The following NELL1 variants were observed in gnomAD, a reference collection of about 807,000 sequenced individuals.
NELL1 encodes the protein neural EGFL like 1, also known as protein kinase C-binding protein NELL1.
NELL1 carries 76 observed loss-of-function variants against 107.4 expected under a neutral mutation model. That is an observed-to-expected ratio of 0.71 (90% CI 0.59 to 0.86). The LOEUF is 0.86. NELL1 is among the 40% of genes least tolerant of loss of function. The probability of loss-of-function intolerance (pLI) is 0.00; values close to 1 mark genes in which losing one functional copy is unlikely to be tolerated. For missense variants in NELL1, 1,024 were observed against 1,005.5 expected, an observed-to-expected ratio of 1.02 and a Z score of -0.25; for synonymous variants, 353 against 341.2, an observed-to-expected ratio of 1.03 and a Z score of -0.38.
Position 21,123,361 on chromosome 11 carries a change from G to A in NELL1, c.1426+9647G>A, listed in dbSNP as rs568948122. On this transcript the variant is annotated intron_variant, in intron 13 of 19. Transcript: ENST00000357134. ...TGTGTGTGTGTGTGTGTGTGTGTGT[G>A]TGTGTGCGTTTCCATGTATGTGTAG... Among the ~76,000 whole-genome samples the A allele has an allele frequency of 3.5e-3, 481 of 136,632 alleles. 2 individuals are homozygous for A. Among genetic ancestry groups the A allele is most frequent in the African/African-American group, 0.011 (444 of 38,614 alleles). 89.6% of individuals were successfully genotyped at this position (136,632 alleles called of 152,430 possible).
intron 3 of NELL1, among the ~76,000 whole-genome samples, chr11:20,841,150 T>A (rs943254644): frequency 6.6e-6 from 1 of 152,178 alleles, no homozygotes; most frequent in African/African-American, 2.4e-5. Context: ...TGAGGAAAGG[T>A]ATCTCTGCTC....
At chr11:21,282,730 TGTCTCAGCACTA>T in intron 14 of NELL1, among the ~76,000 whole-genome samples, 1 of 152,298 alleles carries the variant, frequency 6.6e-6, no homozygotes, top group East Asian at 1.9e-4. Context: ...CTCTCATGTT[TGTCTCAGCACTA>T]GTCACAATAG....
intron 14 of NELL1, among the ~76,000 whole-genome samples, chr11:21,236,301 A>T (rs767667653): frequency 6.6e-6 from 1 of 152,072 alleles, no homozygotes; most frequent in Non-Finnish European, 1.5e-5. Flanking sequence ...ACCACACAAA[A>T]CCTTGTGCAT....
At chr11:21,518,808 T>C (rs569348653) in intron 15 of NELL1, among the ~76,000 whole-genome samples, 1 of 152,332 alleles carries the variant, frequency 6.6e-6, no homozygotes, top group East Asian at 1.9e-4. Context: ...TTATGGAAAT[T>C]ATTTAATATC....
intron 12 of NELL1, among the ~76,000 whole-genome samples, chr11:20,968,060 T>C (rs974591366): frequency 2.3e-4 from 35 of 152,304 alleles, no homozygotes; most frequent in African/African-American, 8.4e-4. Flanking sequence ...CAATATGTAG[T>C]TCAAATGCCA....
At chr11:20,706,954 A>C (rs1854978193) in intron 2 of NELL1, among the ~76,000 whole-genome samples, 1 of 152,146 alleles carries the variant, frequency 6.6e-6, no homozygotes. Context: ...GTTCTCCTGA[A>C]GAGTATTTTC....
intron 13 of NELL1, among the ~76,000 whole-genome samples, chr11:21,118,345 A>T (rs146839616): frequency 6.6e-6 from 1 of 151,994 alleles, no homozygotes; most frequent in Non-Finnish European, 1.5e-5. Flanking sequence ...GGCCAGATTC[A>T]AGGACCTTCA....
chr11:21,460,838 A>G (rs1256379228), intron 15 of NELL1, among the ~76,000 whole-genome samples: 1 of 152,120 alleles, frequency 6.6e-6, no homozygotes, highest in Non-Finnish European at 1.5e-5. Context: ...CTGAAAATAT[A>G]TATTAGTTCT....
intron 4 of NELL1, among the ~76,000 whole-genome samples, chr11:20,872,907 G>A (rs1011776721): frequency 6.6e-6 from 1 of 152,152 alleles, no homozygotes; most frequent in Non-Finnish European, 1.5e-5. Context: ...CTCACTGAAT[G>A]ACAGATGGCT....
chr11:21,258,259 T>C (rs897359921), intron 14 of NELL1, among the ~76,000 whole-genome samples: 31 of 152,016 alleles, frequency 2.0e-4, no homozygotes, highest in Non-Finnish European at 1.6e-4. Context: ...AAAAGCTGTT[T>C]CTTGATAACA....
chr11:20,950,326 A>C (rs1851045385), intron 11 of NELL1, among the ~76,000 whole-genome samples: 1 of 152,220 alleles, frequency 6.6e-6, no homozygotes. Context: ...GAAACCCTGC[A>C]ATTTAAATGA....
intron 12 of NELL1, among the ~76,000 whole-genome samples, chr11:20,994,884 AT>A (rs1381322870): frequency 1.3e-5 from 2 of 152,210 alleles, no homozygotes; most frequent in Admixed American, 6.5e-5. Context: ...ATAAATAATT[AT>A]TGTTTCTAAC....
At chr11:21,006,798 C>T (rs1565011297) in intron 12 of NELL1, among the ~76,000 whole-genome samples, 1 of 152,038 alleles carries the variant, frequency 6.6e-6, no homozygotes, top group Admixed American at 6.6e-5. Context: ...TTGGTATTAC[C>T]CTTTACAAGA....
At chr11:21,465,407 A>C (rs1454037501) in intron 15 of NELL1, among the ~76,000 whole-genome samples, 1 of 152,098 alleles carries the variant, frequency 6.6e-6, no homozygotes, top group African/African-American at 2.4e-5. Flanking sequence ...TTACTATGCA[A>C]CCTGCTAATA....
intron 14 of NELL1, among the ~76,000 whole-genome samples, chr11:21,317,025 T>C (rs1849893881): frequency 6.6e-6 from 1 of 152,174 alleles, no homozygotes; most frequent in Non-Finnish European, 1.5e-5. Context: ...CTAGTTAATA[T>C]ATTTCATCTA....
chr11:20,900,283 T>C (rs1296592441), intron 5 of NELL1, among the ~76,000 whole-genome samples: 1 of 152,192 alleles, frequency 6.6e-6, no homozygotes, highest in Non-Finnish European at 1.5e-5. Context: ...GCATGGCCTT[T>C]TGAGGCCTAG....
chr11:21,260,962 A>T (rs1434056708), intron 14 of NELL1, among the ~76,000 whole-genome samples: 1 of 151,828 alleles, frequency 6.6e-6, no homozygotes, highest in African/African-American at 2.4e-5. Context: ...AGGTTAGAAT[A>T]TTAAGGGCTA....
intron 5 of NELL1, among the ~76,000 whole-genome samples, chr11:20,894,433 G>A (rs1375849485): frequency 6.6e-6 from 1 of 152,118 alleles, no homozygotes; most frequent in Non-Finnish European, 1.5e-5. Flanking sequence ...CATCAATAAT[G>A]AAAAGTCTAT....
intron 15 of NELL1, among the ~76,000 whole-genome samples, chr11:21,512,668 A>T (rs138057642): frequency 6.6e-6 from 1 of 152,144 alleles, no homozygotes; most frequent in Non-Finnish European, 1.5e-5. Flanking sequence ...AATAGTCACA[A>T]ATAGTCTACA....
Sources: gnomAD v4.1 joint callset for allele counts (sites outside exome capture counted in the v4.1 genomes callset) on GRCh38, gnomAD v4.1.1 for gene constraint, MANE v1.5 for transcripts, NCBI Gene and HGNC (gene_info 2026-07-23, HGNC 2026-07-21) for gene names.